The following LIFR variants were observed in gnomAD, a reference collection of about 807,000 sequenced individuals.
The protein encoded by LIFR is LIF receptor subunit alpha, also known as leukemia inhibitory factor receptor.
LIFR carries 84 observed loss-of-function variants against 122.2 expected under a neutral mutation model. That is an observed-to-expected ratio of 0.69 (90% CI 0.58 to 0.82). The LOEUF (loss-of-function observed/expected upper bound fraction) is 0.82. LIFR is among the 40% of genes least tolerant of loss of function. The probability of loss-of-function intolerance (pLI) is 0.00; values close to 1 mark genes in which losing one functional copy is unlikely to be tolerated. For synonymous variants in LIFR, 422 were observed against 434.7 expected, an observed-to-expected ratio of 0.97 and a Z score of 0.36; for missense variants, 1,294 against 1,311.6, an observed-to-expected ratio of 0.99 and a Z score of 0.21.
intron 1 of LIFR, among the ~76,000 whole-genome samples, chr5:38,591,347 T>C (rs1749915934): frequency 6.6e-6 from 1 of 152,258 alleles, no homozygotes; most frequent in Admixed American, 6.5e-5. Flanking sequence ...ATACTGATTT[T>C]ACTTTAGTAC....
chr5:38,583,722 C>G (rs757297896), intron 1 of LIFR, among the ~76,000 whole-genome samples: 1 of 152,136 alleles, frequency 6.6e-6, no homozygotes, highest in Non-Finnish European at 1.5e-5. Flanking sequence ...TCACTAAACA[C>G]CATTGATATG....
intron 2 of LIFR, among the ~76,000 whole-genome samples, chr5:38,603,934 A>C (rs1433430884): frequency 1.3e-5 from 2 of 151,994 alleles, no homozygotes; most frequent in Non-Finnish European, 2.9e-5. Context: ...TGTTGCTTAT[A>C]TTTTTCTGGT....
At chr5:38,498,888 T>A (rs928444467) in intron 12 of LIFR, among the ~76,000 whole-genome samples, 1 of 152,196 alleles carries the variant, frequency 6.6e-6, no homozygotes, top group African/African-American at 2.4e-5. Context: ...TTAAATAAAA[T>A]TATGTTTTAC....
chr5:38,568,729 G>A (rs1749110704), intron 1 of LIFR, among the ~76,000 whole-genome samples: 1 of 152,156 alleles, frequency 6.6e-6, no homozygotes. Flanking sequence ...CCAACTGGGG[G>A]TTTTGTTTTT....
chr5:38,518,314 T>TA lies in LIFR; in HGVS notation c.561+5104dup, dbSNP rs567809769. 4.8e-3 allele frequency among the ~76,000 whole-genome samples: 737 copies of TA among 152,228 alleles called. 3 individuals carry two copies. Among genetic ancestry groups the TA allele is most frequent in the Non-Finnish European group, 7.4e-3 (504 of 68,008 alleles). Reference sequence around the variant, plus strand: ...GGGTTGGAATCCTGACTCCACCACTTAAAGTCTTCCTGTGACTCTGTATCA... The same window carrying TA: ...GGGTTGGAATCCTGACTCCACCACTTAAAAGTCTTCCTGTGACTCTGTATCA... On this transcript the variant is annotated intron_variant, in intron 5 of 19. Coordinates refer to ENST00000453190, the MANE Select transcript of LIFR (RefSeq NM_001127671.2).
intron 11 of LIFR, among the ~76,000 whole-genome samples, chr5:38,502,098 T>C (rs147489614): frequency 1.3e-4 from 20 of 152,146 alleles, no homozygotes; most frequent in East Asian, 5.8e-4. Flanking sequence ...AATCATAGTA[T>C]AGATAGAGGA....
At chr5:38,530,867 A>G (rs1746969914) in intron 1 of LIFR, 4 of 528,960 alleles carry the variant, frequency 7.6e-6, no homozygotes, top group South Asian at 2.5e-5. Context: ...GGTATCTACT[A>G]CGAGGCCAAT....
chr5:38,541,068 C>T (rs924988729), intron 1 of LIFR, among the ~76,000 whole-genome samples: 1 of 152,136 alleles, frequency 6.6e-6, no homozygotes, highest in African/African-American at 2.4e-5. Context: ...CCCCAGATAT[C>T]AAAATCTTAA....
At chr5:38,494,706 A>G (rs867304403) in intron 13 of LIFR, among the ~76,000 whole-genome samples, 9 of 152,194 alleles carry the variant, frequency 5.9e-5, no homozygotes, top group African/African-American at 2.2e-4. Context: ...ACAAACATAG[A>G]AAGGTTTCTA....
At chr5:38,578,394 C>T (rs528332208) in intron 1 of LIFR, among the ~76,000 whole-genome samples, 44 of 149,324 alleles carry the variant, frequency 2.9e-4, no homozygotes, top group Middle Eastern at 7.1e-3. Context: ...TTAGTAGAGA[C>T]GGGGTTTCTC....
At chr5:38,606,586 TA>T (rs1750333908) in intron 1 of LIFR, among the ~76,000 whole-genome samples, 1 of 152,352 alleles carries the variant, frequency 6.6e-6, no homozygotes, top group African/African-American at 2.4e-5. Flanking sequence ...TGTTTAAAAA[TA>T]GTAATAAGAG....
rs76376796 is a variant in LIFR, at chr5:38,536,641, T to C, written c.-19-5975A>G. ...TAAAGTGCTTGATCATAAATACTCA[T>C]TAAATTGTTTGGACCCAGCTATTTC... On this transcript the variant is annotated intron_variant, in intron 1 of 19. Coordinates refer to ENST00000453190, the MANE Select transcript of LIFR (RefSeq NM_001127671.2). 1.3e-4 allele frequency among the ~76,000 whole-genome samples: 20 copies of C among 152,356 alleles called. No homozygotes were observed. In the East Asian group the frequency reaches 3.3e-3, roughly 25 times the overall value.
chr5:38,555,419 A>C (rs1266917764), intron 1 of LIFR, among the ~76,000 whole-genome samples: 2 of 152,198 alleles, frequency 1.3e-5, no homozygotes, highest in Non-Finnish European at 2.9e-5. Context: ...CCCTGCCTAA[A>C]CGATACTACT....
chr5:38,553,540 G>T (rs1219106605), intron 1 of LIFR, among the ~76,000 whole-genome samples: 1 of 146,978 alleles, frequency 6.8e-6, no homozygotes, highest in South Asian at 2.2e-4. Flanking sequence ...TACAGACAAC[G>T]TTAGCAGTTT....
upstream of LIFR, among the ~76,000 whole-genome samples, chr5:38,559,395 A>T (rs541125769): frequency 1.4e-3 from 215 of 152,230 alleles, 1 homozygote; most frequent in Middle Eastern, 6.8e-3. Context: ...TCAAGAATAA[A>T]TTTTTCTTAT....
Position 38,608,239 on chromosome 5 carries a change from T to C in LIFR, n.116A>G, listed in dbSNP as rs564485740. 4 of 152,292 alleles carry C rather than the reference T, an allele frequency of 2.6e-5. No individual in the cohort carries two copies. In the South Asian group the frequency reaches 8.3e-4, roughly 32 times the overall value. The allele number at this position is 152,292 out of a possible 1,614,324, so 9.4% of individuals were successfully genotyped here. A position where few individuals can be genotyped will look rare whatever the true frequency, so the allele number is the denominator to read the frequency against. On this transcript the variant is annotated non_coding_transcript_exon_variant, in exon 1 of 4. Transcript: ENST00000507786. The stretch of plus-strand genomic sequence containing the variant: ...CAATATTATTACTGAGGTCTTATAC[T>C]TAAGAACATGTTCTTTGGGTTTCCT...
chr5:38,562,552 C>T (rs1748876633), intron 1 of LIFR, among the ~76,000 whole-genome samples: 1 of 152,202 alleles, frequency 6.6e-6, no homozygotes, highest in Non-Finnish European at 1.5e-5. Context: ...AATTTACTCC[C>T]TTTTGAGTGG....
chr5:38,503,330 GTAAA>G (rs1745285985), intron 10 of LIFR, among the ~76,000 whole-genome samples: 1 of 152,042 alleles, frequency 6.6e-6, no homozygotes, highest in African/African-American at 2.4e-5. Flanking sequence ...CTTAAACTAA[GTAAA>G]TATAGTTAAA....
intron 11 of LIFR, 36 bp from the exon 12 acceptor site, chr5:38,499,619 A>C (rs3729738): frequency 5.6e-5 from 77 of 1,377,992 alleles, no homozygotes; most frequent in Non-Finnish European, 8.0e-5. Context: ...ATCTGAAGAC[A>C]CATACTATAT....
Sources: allele counts gnomAD v4.1 joint callset (sites outside exome capture counted in the v4.1 genomes callset), GRCh38; gene constraint gnomAD v4.1.1; transcripts MANE v1.5; gene names NCBI Gene and HGNC (gene_info 2026-07-23, HGNC 2026-07-21).